DNM3: variants seen among roughly 807,000 people sequenced by gnomAD.
DNM3 encodes the protein dynamin-3.
A neutral mutation model predicts 101.6 loss-of-function variants in DNM3; 47 were observed. That is an observed-to-expected ratio of 0.46 (90% CI 0.37 to 0.59). The LOEUF (loss-of-function observed/expected upper bound fraction) is 0.59. DNM3 is among the 20% of genes least tolerant of loss of function. DNM3 has a pLI of 0.00. For missense variants in DNM3, 849 were observed against 1,085.7 expected (o/e 0.78, Z 3.06); for synonymous variants, 385 against 387.9 (o/e 0.99, Z 0.09).
intron 4 of DNM3, among the ~76,000 whole-genome samples, chr1:171,994,967 GT>G: frequency 6.6e-6 from 1 of 151,900 alleles, no homozygotes. Context: ...CCCTCCAGGG[GT>G]TTCTAGGGTT....
chr1:171,904,829 G>T (rs2038677964), intron 1 of DNM3, among the ~76,000 whole-genome samples: 1 of 152,072 alleles, frequency 6.6e-6, no homozygotes, highest in South Asian at 2.1e-4. Flanking sequence ...GCTGAGGGAG[G>T]GTGGCATGGA....
rs1465059932 is a variant in DNM3, at chr1:172,192,924, T to C, written c.1660-60649T>C. ...GGATGGCTGGGTCAAATGGTATTTCTAGTTCTAGATCCCTGAGGAATCGCC... is the reference window on the plus strand; with the variant it reads ...GGATGGCTGGGTCAAATGGTATTTCCAGTTCTAGATCCCTGAGGAATCGCC... On this transcript the variant is annotated intron_variant, in intron 14 of 20. Coordinates refer to ENST00000627582, the MANE Select transcript of DNM3 (RefSeq NM_015569.5). 2.6e-5 allele frequency among the ~76,000 whole-genome samples: 4 copies of C among 151,404 alleles called. No individual in the cohort carries two copies. The East Asian group carries it at 5.8e-4, about 22-fold the overall frequency.
At chr1:172,095,147 G>T (rs2054161722) in intron 13 of DNM3, among the ~76,000 whole-genome samples, 1 of 152,094 alleles carries the variant, frequency 6.6e-6, no homozygotes, top group African/African-American at 2.4e-5. Context: ...AAAACTTCTG[G>T]GGCCAGACAT....
intron 13 of DNM3, among the ~76,000 whole-genome samples, chr1:172,116,676 C>T (rs947528173): frequency 6.6e-6 from 1 of 152,148 alleles, no homozygotes; most frequent in Non-Finnish European, 1.5e-5. Context: ...TAAAATAGGG[C>T]TTTGTGGTCA....
rs540278332 is a variant in DNM3 at position 171,977,285 on chromosome 1, T to C, written c.236-10371T>C. ...AGGGTCCCAGCCTTATTCTGGCCTT[T>C]CCAGCCTTATTTTAAACTCAGACCA... On this transcript the variant is annotated intron_variant, in intron 2 of 20. Coordinates refer to ENST00000627582, the MANE Select transcript of DNM3 (RefSeq NM_015569.5). Among the ~76,000 whole-genome samples the C allele has an allele frequency of 5.9e-5, 9 of 152,346 alleles. No homozygotes were observed. In the East Asian group the frequency reaches 1.7e-3, roughly 29 times the overall value.
chr1:172,133,350 A>G, intron 14 of DNM3: 1 of 996,946 alleles, frequency 1.0e-6, no homozygotes, highest in South Asian at 4.6e-5. Flanking sequence ...TGAGTACTTG[A>G]TTACAACAAA....
At chr1:171,931,637 A>AT (rs2041012925) in intron 2 of DNM3, among the ~76,000 whole-genome samples, 1 of 152,114 alleles carries the variant, frequency 6.6e-6, no homozygotes, top group Non-Finnish European at 1.5e-5. Flanking sequence ...TGCAGAAACA[A>AT]TTTTTTCCCC....
In DNM3 at chr1:172,411,891, G is replaced by T. The variant is rs376199314; in HGVS notation, c.*4050G>T. On this transcript the variant is annotated 3_prime_UTR_variant, in exon 21 of 21. Coordinates refer to ENST00000627582, the MANE Select transcript of DNM3 (RefSeq NM_015569.5). ...TGAAGAAATGATTATTCGTTCACCA[G>T]ATCACTCATTGTACATTCTAAAAAG... 1.0e-6 allele frequency: 1 copy of T among 985,762 alleles called. No individual in the cohort carries two copies. Among genetic ancestry groups the T allele is most frequent in the Non-Finnish European group, 1.2e-6 (1 of 829,864 alleles). 61.1% of individuals were successfully genotyped at this position (985,762 alleles called of 1,614,324 possible).
At chr1:171,975,957 T>A (rs2044338821) in intron 2 of DNM3, among the ~76,000 whole-genome samples, 1 of 152,092 alleles carries the variant, frequency 6.6e-6, no homozygotes, top group Admixed American at 6.6e-5. Flanking sequence ...CTGGGCAACT[T>A]AGCAAGACCC....
intron 13 of DNM3, among the ~76,000 whole-genome samples, chr1:172,101,529 T>C (rs1315831412): frequency 6.6e-6 from 1 of 152,222 alleles, no homozygotes; most frequent in Non-Finnish European, 1.5e-5. Context: ...GTATTAAATG[T>C]GATAATACTA....
intron 15 of DNM3, among the ~76,000 whole-genome samples, chr1:172,304,663 C>G (rs988800902): frequency 7.9e-5 from 12 of 152,144 alleles, no homozygotes; most frequent in African/African-American, 2.7e-4. Flanking sequence ...TGTAAAAGAA[C>G]AGAAATCACA....
At position 172,411,316 on chromosome 1, in the gene DNM3, A is replaced by G; in HGVS notation, c.*3475A>G. 1 of 985,274 alleles carries G rather than the reference A, an allele frequency of 1.0e-6. No homozygotes were observed. Among genetic ancestry groups the G allele is most frequent in the Non-Finnish European group, 1.2e-6 (1 of 829,788 alleles). 61.0% of individuals were successfully genotyped at this position (985,274 alleles called of 1,614,324 possible). On this transcript the variant is annotated 3_prime_UTR_variant, in exon 21 of 21. Transcript: ENST00000627582. ...GAGAGGTACAAAGCTCATAATTACC[A>G]TGACAACATGGTAATGTCCATAGAC...
intron 13 of DNM3, among the ~76,000 whole-genome samples, chr1:172,112,658 T>C (rs1284498976): frequency 2.6e-5 from 4 of 152,224 alleles, no homozygotes; most frequent in African/African-American, 4.8e-5. Flanking sequence ...TATCTGTCTT[T>C]TTATCCCTGA....
At chr1:171,865,230 G>C (rs1197049135) in intron 1 of DNM3, among the ~76,000 whole-genome samples, 1 of 152,036 alleles carries the variant, frequency 6.6e-6, no homozygotes, top group Non-Finnish European at 1.5e-5. Flanking sequence ...AAGTGAAGAG[G>C]CAGGGCTGGG....
intron 14 of DNM3, among the ~76,000 whole-genome samples, chr1:172,196,041 G>A (rs899579027): frequency 2.0e-5 from 3 of 151,002 alleles, no homozygotes; most frequent in Non-Finnish European, 4.4e-5. Flanking sequence ...TATCTTTTTT[G>A]CTCATCTCCC....
intron 15 of DNM3, among the ~76,000 whole-genome samples, chr1:172,271,521 A>G (rs2063085022): frequency 6.6e-6 from 1 of 152,102 alleles, no homozygotes; most frequent in Admixed American, 6.6e-5. Flanking sequence ...AATCTGTTAC[A>G]ATATGTTGTT....
chr1:171,922,319 A>T (rs2125325700), intron 2 of DNM3, among the ~76,000 whole-genome samples: 3 of 150,112 alleles, frequency 2.0e-5, no homozygotes, highest in South Asian at 4.2e-4. Context: ...CTTTGTTTTT[A>T]TTTTCATTTT....
intron 17 of DNM3, among the ~76,000 whole-genome samples, chr1:172,334,702 T>C (rs1176381960): frequency 1.3e-5 from 2 of 151,900 alleles, no homozygotes; most frequent in Non-Finnish European, 2.9e-5. Flanking sequence ...ATATGAAAAA[T>C]ATATTCCCTG....
chr1:172,316,220 A>T (rs1454916167), intron 16 of DNM3, among the ~76,000 whole-genome samples: 2 of 152,154 alleles, frequency 1.3e-5, no homozygotes, highest in African/African-American at 4.8e-5. Flanking sequence ...GCCTGCCCTG[A>T]AAGAGCTCCT....
Sources: allele counts gnomAD v4.1 joint callset (sites outside exome capture counted in the v4.1 genomes callset), GRCh38; gene constraint gnomAD v4.1.1; transcripts MANE v1.5; gene names NCBI Gene and HGNC (gene_info 2026-07-23, HGNC 2026-07-21).